DEPTOR: variants seen among roughly 807,000 people sequenced by gnomAD.
The protein encoded by DEPTOR is DEP domain-containing mTOR-interacting protein.
DEPTOR carries 41 observed loss-of-function variants against 41.6 expected under a neutral mutation model. The observed-to-expected ratio is 0.98, with a 90% CI of 0.77 to 1.28. The LOEUF (loss-of-function observed/expected upper bound fraction) is 1.28. Among genes scored for constraint, DEPTOR ranks in the 50% most tolerant of loss-of-function variants. The pLI, the probability that DEPTOR is intolerant of heterozygous loss-of-function variation, is 0.00. For missense variants in DEPTOR, 514 were observed against 527.9 expected, an observed-to-expected ratio of 0.97 and a Z score of 0.26; for synonymous variants, 195 against 192.3, an observed-to-expected ratio of 1.01 and a Z score of -0.12.
intron 7 of DEPTOR, among the ~76,000 whole-genome samples, chr8:120,008,718 A>G (rs13272368): frequency 0.37 from 55,667 of 151,982 alleles, 10,928 homozygotes; most frequent in East Asian, 0.59. Context: ...TAAACCTTCT[A>G]TTGGAGTCTG....
intron 1 of DEPTOR, among the ~76,000 whole-genome samples, chr8:119,888,540 C>T (rs1480040389): frequency 6.6e-6 from 1 of 152,106 alleles, no homozygotes; most frequent in East Asian, 1.9e-4. Context: ...CAACAATCAA[C>T]AATCTTGATG....
chr8:119,877,260 A>G (rs529209179), intron 1 of DEPTOR, among the ~76,000 whole-genome samples: 6 of 152,302 alleles, frequency 3.9e-5, no homozygotes, highest in Admixed American at 3.9e-4. Flanking sequence ...TTTTATCTCA[A>G]CTGTTTTGGC....
intron 1 of DEPTOR, among the ~76,000 whole-genome samples, chr8:119,910,894 A>G (rs1321523444): frequency 6.6e-6 from 1 of 152,116 alleles, no homozygotes; most frequent in Non-Finnish European, 1.5e-5. Context: ...CAAAATGCTT[A>G]ATGTGGAGTG....
At chr8:120,030,322 T>G (rs1232625556) in intron 8 of DEPTOR, among the ~76,000 whole-genome samples, 1 of 151,854 alleles carries the variant, frequency 6.6e-6, no homozygotes, top group Non-Finnish European at 1.5e-5. Context: ...AAGAAATTAC[T>G]AAAAAAAGTA....
At chr8:119,979,219 T>A (rs976496198) in intron 4 of DEPTOR, among the ~76,000 whole-genome samples, 1 of 152,168 alleles carries the variant, frequency 6.6e-6, no homozygotes, top group Non-Finnish European at 1.5e-5. Flanking sequence ...TTTTTAAAAA[T>A]TATTAATTAG....
At chr8:119,954,469 T>A (rs1828392636) in intron 3 of DEPTOR, among the ~76,000 whole-genome samples, 1 of 152,106 alleles carries the variant, frequency 6.6e-6, no homozygotes, top group Non-Finnish European at 1.5e-5. Context: ...AAATAATTGA[T>A]CATATTAACA....
At chr8:119,931,529 C>T (rs538034250) in intron 3 of DEPTOR, among the ~76,000 whole-genome samples, 2 of 152,148 alleles carry the variant, frequency 1.3e-5, no homozygotes, top group African/African-American at 2.4e-5. Context: ...ATTCCAAATA[C>T]GAGCACAGTA....
chr8:119,923,893 C>CTTTTCTTT (rs1554673843), intron 1 of DEPTOR, among the ~76,000 whole-genome samples: 4,283 of 104,916 alleles, frequency 0.041, 247 homozygotes, highest in African/African-American at 0.12. Context: ...TTTTTTCTTT[C>CTTTTCTTT]TTTTTTTTTT....
rs1159883368 is a variant in DEPTOR at position 119,967,745 on chromosome 8, C to T, written c.604+2335C>T. ...TTCCAACCTGGGTGGCAGAGCAAGA[C>T]TTCGTCCCAAAAAAAAAAAAAAAAA... is the stretch of plus-strand genomic sequence containing the variant. On this transcript the variant is annotated intron_variant, in intron 4 of 8. Transcript: ENST00000286234. 1.2e-4 allele frequency among the ~76,000 whole-genome samples: 16 copies of T among 133,378 alleles called. No individual in the cohort carries two copies. In the Admixed American group the frequency reaches 1.3e-3, roughly 11 times the overall value. 87.5% of individuals were successfully genotyped at this position (133,378 alleles called of 152,430 possible).
chr8:119,941,466 A>G (rs1167452948), intron 3 of DEPTOR, among the ~76,000 whole-genome samples: 1 of 151,726 alleles, frequency 6.6e-6, no homozygotes, highest in Non-Finnish European at 1.5e-5. Flanking sequence ...TCAATATTTT[A>G]AAACACACAA....
intron 3 of DEPTOR, among the ~76,000 whole-genome samples, chr8:119,940,966 C>T (rs1196523761): frequency 6.6e-6 from 1 of 151,940 alleles, no homozygotes; most frequent in African/African-American, 2.4e-5. Context: ...AATAGGGAGT[C>T]ATTGTTTAAT....
intron 1 of DEPTOR, among the ~76,000 whole-genome samples, chr8:119,922,540 C>T (rs1281451730): frequency 6.6e-6 from 1 of 152,162 alleles, no homozygotes; most frequent in Admixed American, 6.5e-5. Context: ...GACTTTAGCA[C>T]ACCGTATGTA....
At chr8:120,025,183 T>G (rs1181712726) in intron 8 of DEPTOR, among the ~76,000 whole-genome samples, 4 of 152,230 alleles carry the variant, frequency 2.6e-5, no homozygotes, top group Non-Finnish European at 5.9e-5. Flanking sequence ...AATTAAAGAC[T>G]GTGATATGTG....
At chr8:119,920,603 A>G (rs1274403946) in intron 1 of DEPTOR, among the ~76,000 whole-genome samples, 1 of 152,202 alleles carries the variant, frequency 6.6e-6, no homozygotes, top group African/African-American at 2.4e-5. Context: ...AGAAGAGTTC[A>G]GAATATTCAG....
intron 1 of DEPTOR, among the ~76,000 whole-genome samples, chr8:119,918,344 C>T (rs1165598483): frequency 6.6e-6 from 1 of 152,152 alleles, no homozygotes; most frequent in South Asian, 2.1e-4. Flanking sequence ...ATTAACTTGA[C>T]GTGAGTCCTG....
chr8:119,931,086 C>T (rs1021137015), intron 3 of DEPTOR, among the ~76,000 whole-genome samples: 1 of 151,926 alleles, frequency 6.6e-6, no homozygotes, highest in Admixed American at 6.6e-5. Flanking sequence ...GTGGTGAGTG[C>T]CTGTCATCCC....
intron 1 of DEPTOR, among the ~76,000 whole-genome samples, chr8:119,924,376 A>G (rs982422673): frequency 1.3e-5 from 2 of 152,006 alleles, no homozygotes; most frequent in Non-Finnish European, 2.9e-5. Context: ...AACTGTCCCT[A>G]ATCAGAAGAC....
At chr8:119,892,706 G>A (rs1827466714) in intron 1 of DEPTOR, among the ~76,000 whole-genome samples, 1 of 152,052 alleles carries the variant, frequency 6.6e-6, no homozygotes, top group Non-Finnish European at 1.5e-5. Flanking sequence ...TTGTCTACAT[G>A]TTCACTATTT....
chr8:119,992,656 A>AT (rs35642906), intron 4 of DEPTOR, among the ~76,000 whole-genome samples: 35,973 of 133,772 alleles, frequency 0.27, 5,244 homozygotes, highest in South Asian at 0.39. Flanking sequence ...AGTAGAGTAA[A>AT]TTTTTTTTTT....
Sources: allele counts gnomAD v4.1 joint callset (sites outside exome capture counted in the v4.1 genomes callset), GRCh38; gene constraint gnomAD v4.1.1; transcripts MANE v1.5; gene names NCBI Gene and HGNC (gene_info 2026-07-23, HGNC 2026-07-21).